Variants in ENOSF1 observed in about 807,000 individuals in gnomAD.
ENOSF1 encodes mitochondrial enolase superfamily member 1.
Under a neutral mutation model 68.2 loss-of-function variants are expected in ENOSF1, and 73 were observed. That is an observed-to-expected ratio of 1.07 (90% CI 0.89 to 1.30). The LOEUF (loss-of-function observed/expected upper bound fraction) is 1.30, where lower values mean the gene tolerates loss of function less well. Ranked by LOEUF, ENOSF1 falls within the 50% of genes most tolerant of loss-of-function variation. ENOSF1 has a pLI of 0.00. For missense variants in ENOSF1, 589 were observed against 554.5 expected, an observed-to-expected ratio of 1.06 and a Z score of -0.62; for synonymous variants, 223 against 210.4, an observed-to-expected ratio of 1.06 and a Z score of -0.52.
At chr18:689,120 C>T (rs1239305828) in intron 8 of ENOSF1, among the ~76,000 whole-genome samples, 4 of 152,294 alleles carry the variant, frequency 2.6e-5, no homozygotes, top group South Asian at 2.1e-4. Flanking sequence ...TTCTCAATCT[C>T]GCAGTGGGTC....
In ENOSF1 at chr18:686,009, C is replaced by G. The variant is rs765410988; in HGVS notation, c.654-1G>C. On this transcript the variant is annotated splice_acceptor_variant, in intron 9 of 15. Coordinates refer to ENST00000647584, the MANE Select transcript of ENOSF1 (RefSeq NM_017512.7). LOFTEE classifies it high-confidence loss of function. ...ATCAGCACCCACCTTTACTTTAAACCTAGAAAATGCATTTGGTTTGCTAGT... is the reference window on the plus strand; with the variant it reads ...ATCAGCACCCACCTTTACTTTAAACGTAGAAAATGCATTTGGTTTGCTAGT... 1.5e-5 allele frequency: 24 copies of G among 1,613,072 alleles called. No homozygotes were observed. The Admixed American group carries it at 3.8e-4, about 26-fold the overall frequency.
Position 671,262 on chromosome 18 carries a change from A to G in ENOSF1, c.*3043T>C. On this transcript the variant is annotated 3_prime_UTR_variant, in exon 16 of 16. Coordinates refer to ENST00000647584, the MANE Select transcript of ENOSF1 (RefSeq NM_017512.7). ...GTTGCTACAAAAAAATGGAAAAGCT[A>G]CACTAAATTATTTTTTTAAAAAAAG... 1 of 765,564 alleles carries G rather than the reference A, an allele frequency of 1.3e-6. No individual in the cohort carries two copies. Among genetic ancestry groups the G allele is most frequent in the Non-Finnish European group, 2.3e-6 (1 of 437,704 alleles). The allele number at this position is 765,564 out of a possible 1,614,324, so 47.4% of individuals were successfully genotyped here.
intron 10 of ENOSF1, among the ~76,000 whole-genome samples, chr18:685,536 A>G (rs2076534963): frequency 6.6e-6 from 1 of 152,116 alleles, no homozygotes; most frequent in East Asian, 1.9e-4. Context: ...GAAATGACTG[A>G]TCCTTACATT....
chr18:699,405 G>A (rs1178117450), intron 2 of ENOSF1, among the ~76,000 whole-genome samples: 1 of 152,092 alleles, frequency 6.6e-6, no homozygotes, highest in African/African-American at 2.4e-5. Flanking sequence ...TTTAGCTTTG[G>A]AGGCAGAGGT....
chr18:674,100 T>TA lies in ENOSF1; in HGVS notation c.*204dup, dbSNP rs1426794622. On this transcript the variant is annotated 3_prime_UTR_variant, in exon 16 of 16. Coordinates refer to ENST00000647584, the MANE Select transcript of ENOSF1 (RefSeq NM_017512.7). ...ACTTTGGGTTAGTTAAATCTAAACT[T>TA]ATTTAAGGATTAAGTAGGATAACGT... 1.5e-5 allele frequency: 7 copies of TA among 455,686 alleles called. No homozygotes were observed. The East Asian group carries it at 2.7e-4, about 18-fold the overall frequency. The allele number at this position is 455,686 out of a possible 1,614,324, so 28.2% of individuals were successfully genotyped here. A position where few individuals can be genotyped will look rare whatever the true frequency, so the allele number is the denominator to read the frequency against.
intron 11 of ENOSF1, among the ~76,000 whole-genome samples, chr18:679,556 T>C (rs1482795856): frequency 2.2e-5 from 2 of 92,602 alleles, no homozygotes; most frequent in Non-Finnish European, 4.1e-5. Flanking sequence ...GCAGGAAAAA[T>C]CCATGAAAAA....
intron 5 of ENOSF1, chr18:693,483 A>T: frequency 1.0e-6 from 1 of 985,260 alleles, no homozygotes; most frequent in South Asian, 4.7e-5. Context: ...CCTGGATAAT[A>T]TCTTCATAAT....
intron 2 of ENOSF1, among the ~76,000 whole-genome samples, chr18:697,889 G>A (rs72853835): frequency 1.5e-4 from 23 of 152,274 alleles, no homozygotes; most frequent in Non-Finnish European, 3.1e-4. Context: ...GACCTCCCCG[G>A]CTCAGGTAAT....
At chr18:710,533 G>C (rs1483970824) in intron 1 of ENOSF1, among the ~76,000 whole-genome samples, 2 of 151,916 alleles carry the variant, frequency 1.3e-5, no homozygotes, top group African/African-American at 4.8e-5. Flanking sequence ...TTAGAAACAG[G>C]GTCTCACTGT....
rs147206140 is a variant in ENOSF1, at chr18:706,520, C to G, written c.143G>C (p.Gly48Ala). Residue 48 changes from glycine (G) to alanine (A), a missense_variant, in exon 2 of 16, where the codon GGA (glycine) becomes GCA (alanine). Physicochemically the swap from Gly to Ala is moderately conservative, Grantham distance 60 (BLOSUM62 0). Coordinates refer to ENST00000647584, the MANE Select transcript of ENOSF1 (RefSeq NM_017512.7). ...YVVIETDAED[G>A]IKGCGITFTL... is the part of the protein sequence containing the mutation. ...GAAGGTAATTCCACACCCCTTGATT[C>G]CATCTTCTGCATCAGTTTCTATGAC... is the stretch of plus-strand genomic sequence containing the variant. 1.2e-6 allele frequency: 2 copies of G among 1,613,940 alleles called. No homozygotes were observed. Among genetic ancestry groups the G allele is most frequent in the Non-Finnish European group, 1.7e-6 (2 of 1,179,908 alleles).
chr18:667,023 AGATGGTGATGGAGATGGTGATGGT>A (rs2074847005), downstream of ENOSF1, among the ~76,000 whole-genome samples: 15 of 4,124 alleles, frequency 3.6e-3, 1 homozygote, highest in African/African-American at 0.012. Flanking sequence ...ATGGAGATGG[AGATGGTGATGGAGATGGTGATGGT>A]GATGGAGATG....
intron 4 of ENOSF1, 124 bp from the exon 5 acceptor site, chr18:694,032 C>T (rs915170457): frequency 8.7e-7 from 1 of 1,143,602 alleles, no homozygotes; most frequent in Non-Finnish European, 1.3e-6. Context: ...CCCCCCTCTA[C>T]TGCTGCCTGC....
In ENOSF1 at chr18:671,478, G is replaced by C; in HGVS notation, c.*2827C>G. 1 of 1,453,672 alleles carries C rather than the reference G, an allele frequency of 6.9e-7. No homozygotes were observed. Among genetic ancestry groups the C allele is most frequent in the Non-Finnish European group, 9.7e-7 (1 of 1,034,844 alleles). The allele number at this position is 1,453,672 out of a possible 1,614,324, so 90.0% of individuals were successfully genotyped here. On this transcript the variant is annotated 3_prime_UTR_variant, in exon 16 of 16. Coordinates refer to ENST00000647584, the MANE Select transcript of ENOSF1 (RefSeq NM_017512.7). ...TAAGAATTAGATGTTATACTTTTGGGTTTGGTACCTTCTCTTGATAAAAGG... is the reference window on the plus strand; with the variant it reads ...TAAGAATTAGATGTTATACTTTTGGCTTTGGTACCTTCTCTTGATAAAAGG...
intron 10 of ENOSF1, among the ~76,000 whole-genome samples, chr18:685,033 TTC>T (rs2076483919): frequency 1.3e-5 from 2 of 150,714 alleles, no homozygotes; most frequent in South Asian, 2.1e-4. Context: ...TTAATTTTTT[TTC>T]TTCTTTCTTT....
chr18:680,478 A>G (rs1199473422), intron 11 of ENOSF1, among the ~76,000 whole-genome samples: 6 of 152,084 alleles, frequency 3.9e-5, no homozygotes, highest in Admixed American at 1.3e-4. Context: ...CTCCTTTTCA[A>G]TATTTCCTGA....
At chr18:701,952 A>C (rs1025480592) in intron 2 of ENOSF1, among the ~76,000 whole-genome samples, 1 of 151,026 alleles carries the variant, frequency 6.6e-6, no homozygotes, top group Non-Finnish European at 1.5e-5. Context: ...AAATAAATAA[A>C]TAAATAAATA....
chr18:703,184 C>T (rs1010006594), intron 2 of ENOSF1, among the ~76,000 whole-genome samples: 13 of 152,054 alleles, frequency 8.5e-5, no homozygotes, highest in Admixed American at 1.3e-4. Context: ...TTGATTTATC[C>T]GTGCCTGAGA....
downstream of ENOSF1, among the ~76,000 whole-genome samples, chr18:666,266 G>C (rs1437199658): frequency 4.0e-5 from 6 of 151,578 alleles, no homozygotes; most frequent in Non-Finnish European, 1.5e-5. Flanking sequence ...GAAGTTCATC[G>C]GTGGGACAAG....
At chr18:683,800 CATTT>C (rs991720144) in intron 10 of ENOSF1, among the ~76,000 whole-genome samples, 13 of 152,078 alleles carry the variant, frequency 8.5e-5, no homozygotes, top group Non-Finnish European at 1.6e-4. Flanking sequence ...GTTCAATAGT[CATTT>C]ATTGACTATT....
Sources: gnomAD v4.1 joint callset for allele counts (sites outside exome capture counted in the v4.1 genomes callset) on GRCh38, gnomAD v4.1.1 for gene constraint, MANE v1.5 for transcripts, NCBI Gene and HGNC (gene_info 2026-07-23, HGNC 2026-07-21) for gene names.